The following GUCY1A2 variants were observed in gnomAD, a reference collection of about 807,000 sequenced individuals.
GUCY1A2 encodes the protein guanylate cyclase 1 soluble subunit alpha 2, also known as guanylate cyclase soluble subunit alpha-2.
In GUCY1A2, 27 loss-of-function variants were observed where a neutral mutation model predicts 63.5. The ratio of observed to expected loss-of-function variants is 0.43; its 90% CI spans 0.31 to 0.59. GUCY1A2 has a LOEUF of 0.59. Among genes scored for constraint, GUCY1A2 ranks in the 20% least tolerant of loss-of-function variants. The pLI, the probability that GUCY1A2 is intolerant of heterozygous loss-of-function variation, is 0.11. For synonymous variants in GUCY1A2, 364 were observed against 343.5 expected (o/e 1.06, Z -0.66); for missense variants, 768 against 913.3 (o/e 0.84, Z 2.05).
chr11:106,808,384 C>T (rs543969742), intron 5 of GUCY1A2, among the ~76,000 whole-genome samples: 6 of 152,056 alleles, frequency 3.9e-5, no homozygotes, highest in South Asian at 2.1e-4. Flanking sequence ...GAAGATCATA[C>T]GGAGTATTTC....
At chr11:106,922,164 GACA>G (rs959145998) in intron 4 of GUCY1A2, among the ~76,000 whole-genome samples, 19 of 152,252 alleles carry the variant, frequency 1.2e-4, no homozygotes, top group African/African-American at 4.6e-4. Context: ...TGGGAAATCA[GACA>G]ACATTTGTCT....
At chr11:106,808,789 C>T (rs1858726385) in intron 5 of GUCY1A2, among the ~76,000 whole-genome samples, 2 of 152,086 alleles carry the variant, frequency 1.3e-5, no homozygotes, top group South Asian at 4.2e-4. Context: ...CAGCTGATCT[C>T]CTCTGTCCTG....
intron 6 of GUCY1A2, among the ~76,000 whole-genome samples, chr11:106,722,784 C>CTG (rs5794487): frequency 0.031 from 4,584 of 148,922 alleles, 68 homozygotes; most frequent in East Asian, 0.049. Context: ...AAGACCAGTT[C>CTG]TGTGTGTGTG....
chr11:106,921,398 T>G (rs1440570600), intron 4 of GUCY1A2, among the ~76,000 whole-genome samples: 1 of 151,904 alleles, frequency 6.6e-6, no homozygotes, highest in Non-Finnish European at 1.5e-5. Flanking sequence ...TAAGACAAAA[T>G]GTGGTCCAAA....
chr11:106,732,889 A>C (rs1863528268), intron 6 of GUCY1A2, among the ~76,000 whole-genome samples: 1 of 152,192 alleles, frequency 6.6e-6, no homozygotes, highest in African/African-American at 2.4e-5. Context: ...TGTAGCCTAG[A>C]TTTCATAAAA....
At chr11:106,823,341 T>C (rs1565301098) in intron 4 of GUCY1A2, among the ~76,000 whole-genome samples, 1 of 152,100 alleles carries the variant, frequency 6.6e-6, no homozygotes, top group Non-Finnish European at 1.5e-5. Context: ...TGAGAACAGG[T>C]GATATTTGAT....
rs1232515525 is a variant in GUCY1A2, at chr11:106,945,735, C to A, written c.488-5557G>T. Among the ~76,000 whole-genome samples, 5 of 152,132 alleles carry A rather than the reference C, an allele frequency of 3.3e-5. No homozygotes were observed. The East Asian group carries it at 9.6e-4, about 29-fold the overall frequency. On this transcript the variant is annotated intron_variant, in intron 3 of 7. Transcript: ENST00000526355. ...ATCCCAGCACTTTGGGAGGCCGAGG[C>A]GGGCAGATCACCTGAGGTCAGGAGT...
intron 1 of GUCY1A2, among the ~76,000 whole-genome samples, chr11:107,014,650 A>C (rs967162161): frequency 9.2e-5 from 14 of 152,210 alleles, no homozygotes; most frequent in Non-Finnish European, 1.9e-4. Context: ...CTGAGTGTGG[A>C]TATCCCATGG....
At chr11:106,748,069 A>C (rs1218644396) in intron 6 of GUCY1A2, among the ~76,000 whole-genome samples, 3 of 152,204 alleles carry the variant, frequency 2.0e-5, no homozygotes, top group Non-Finnish European at 4.4e-5. Context: ...CTCCAAAGAA[A>C]ATGCAATAAG....
At chr11:106,802,908 T>C (rs560675124) in intron 5 of GUCY1A2, among the ~76,000 whole-genome samples, 1 of 152,136 alleles carries the variant, frequency 6.6e-6, no homozygotes, top group East Asian at 1.9e-4. Flanking sequence ...TGGGGGGTCA[T>C]AAATATTCAG....
chr11:106,924,026 T>C (rs1193791207), intron 4 of GUCY1A2, among the ~76,000 whole-genome samples: 6 of 152,144 alleles, frequency 3.9e-5, no homozygotes, highest in Non-Finnish European at 7.4e-5. Flanking sequence ...CATAAAGCAA[T>C]CAAGATGATA....
At chr11:106,870,039 G>C (rs932162914) in intron 4 of GUCY1A2, among the ~76,000 whole-genome samples, 2 of 148,322 alleles carry the variant, frequency 1.3e-5, no homozygotes, top group African/African-American at 2.5e-5. Flanking sequence ...CTCACTCATA[G>C]GTGGGAAATG....
intron 4 of GUCY1A2, among the ~76,000 whole-genome samples, chr11:106,874,042 T>C (rs940149980): frequency 2.0e-5 from 3 of 152,186 alleles, no homozygotes; most frequent in African/African-American, 7.2e-5. Context: ...TCCTTTATTA[T>C]AGAATATTTT....
intron 7 of GUCY1A2, among the ~76,000 whole-genome samples, chr11:106,697,870 T>TA (rs1409444489): frequency 6.6e-6 from 1 of 152,118 alleles, no homozygotes; most frequent in African/African-American, 2.4e-5. Context: ...TCTATACCTC[T>TA]ATTCCCATGA....
chr11:106,926,830 G>C (rs1438717274), intron 4 of GUCY1A2, among the ~76,000 whole-genome samples: 1 of 151,378 alleles, frequency 6.6e-6, no homozygotes, highest in Admixed American at 6.6e-5. Context: ...TGTTATTTAA[G>C]GAAAATCAAA....
At chr11:106,689,532 C>G (rs977064808) in intron 7 of GUCY1A2, among the ~76,000 whole-genome samples, 1 of 151,946 alleles carries the variant, frequency 6.6e-6, no homozygotes, top group Non-Finnish European at 1.5e-5. Context: ...AAAAACACAA[C>G]CCCATTAAAA....
At chr11:106,689,174 G>A (rs1862578654) in intron 7 of GUCY1A2, among the ~76,000 whole-genome samples, 1 of 152,070 alleles carries the variant, frequency 6.6e-6, no homozygotes, top group Non-Finnish European at 1.5e-5. Flanking sequence ...AGGAGAAGAA[G>A]AAAATATTCC....
rs1215169436 is a variant in GUCY1A2, at chr11:106,675,889, T to TC, written c.*11659dup. ...GTCCCTTTTGAAGTTTTAATTTTTT[T>TC]CAAGTATTTTATACCCCTTTGACTA... is the stretch of plus-strand genomic sequence containing the variant. On this transcript the variant is annotated 3_prime_UTR_variant, in exon 8 of 8. Transcript: ENST00000526355. The TC allele has an allele frequency of 5.3e-6, 1 of 189,142 alleles. No homozygotes were observed. The highest frequency in any genetic ancestry group is 1.1e-5 in the Non-Finnish European group (1 of 89,850). 11.7% of individuals were successfully genotyped at this position (189,142 alleles called of 1,614,324 possible).
At chr11:106,752,844 G>C (rs556450969) in intron 6 of GUCY1A2, among the ~76,000 whole-genome samples, 1 of 152,122 alleles carries the variant, frequency 6.6e-6, no homozygotes, top group Non-Finnish European at 1.5e-5. Context: ...CTTTATAGTA[G>C]CATGATTTAT....
Sources: allele counts gnomAD v4.1 joint callset (sites outside exome capture counted in the v4.1 genomes callset), GRCh38; gene constraint gnomAD v4.1.1; transcripts MANE v1.5; gene names NCBI Gene and HGNC (gene_info 2026-07-23, HGNC 2026-07-21).